Variants in PRKN observed in about 807,000 individuals in gnomAD.
PRKN encodes the protein E3 ubiquitin-protein ligase parkin.
A neutral mutation model predicts 59.5 loss-of-function variants in PRKN; 56 were observed. That is an observed-to-expected ratio of 0.94 (90% CI 0.76 to 1.18). The LOEUF (loss-of-function observed/expected upper bound fraction) is 1.18. PRKN is among the 50% of genes most tolerant of loss of function. The pLI, the probability that PRKN is intolerant of heterozygous loss-of-function variation, is 0.00. For synonymous variants in PRKN, 250 were observed against 222.1 expected, an observed-to-expected ratio of 1.13 and a Z score of -1.12; for missense variants, 657 against 596.4, an observed-to-expected ratio of 1.10 and a Z score of -1.06.
intron 5 of PRKN, among the ~76,000 whole-genome samples, chr6:162,017,900 G>C (rs1365944350): frequency 1.3e-5 from 1 of 76,306 alleles, no homozygotes; most frequent in Non-Finnish European, 2.6e-5. Flanking sequence ...AAGAAACCCC[G>C]AGAGAGCCTC....
At chr6:162,308,867 C>T (rs1300346716) in intron 2 of PRKN, among the ~76,000 whole-genome samples, 1 of 152,012 alleles carries the variant, frequency 6.6e-6, no homozygotes, top group Admixed American at 6.6e-5. Flanking sequence ...GGGTCCTAAT[C>T]AGTCATATGA....
At chr6:162,391,773 C>T (rs562025806) in intron 2 of PRKN, among the ~76,000 whole-genome samples, 1 of 152,308 alleles carries the variant, frequency 6.6e-6, no homozygotes, top group East Asian at 1.9e-4. Flanking sequence ...TCCTGGCATT[C>T]TGCCTGGAAA....
chr6:162,220,084 T>A (rs1190295931), intron 3 of PRKN, among the ~76,000 whole-genome samples: 1 of 152,058 alleles, frequency 6.6e-6, no homozygotes, highest in Non-Finnish European at 1.5e-5. Context: ...AGAATGAAAT[T>A]CAAGATGGAT....
chr6:162,430,567 A>C lies in PRKN; in HGVS notation c.171+12743T>G, dbSNP rs374314945. Among the ~76,000 whole-genome samples the C allele has an allele frequency of 1.8e-3, 265 of 148,918 alleles. 4 individuals carry two copies. The South Asian group carries it at 0.021, about 12-fold the overall frequency. On this transcript the variant is annotated intron_variant, in intron 2 of 11. Transcript: ENST00000366898. The stretch of plus-strand genomic sequence containing the variant: ...AAACAATCAGTTGTATAAATACAGA[A>C]TGGGGAAACTGGCTTACATATATAT...
chr6:162,475,647 A>G (rs186169942), intron 1 of PRKN, among the ~76,000 whole-genome samples: 2 of 152,362 alleles, frequency 1.3e-5, no homozygotes, highest in East Asian at 3.9e-4. Flanking sequence ...AGACACAAGC[A>G]CAGGGCTGCG....
At chr6:162,207,197 C>A (rs1036798511) in intron 3 of PRKN, among the ~76,000 whole-genome samples, 4 of 152,016 alleles carry the variant, frequency 2.6e-5, no homozygotes, top group African/African-American at 9.7e-5. Context: ...ACGATGAAAC[C>A]CCTTCTCTAT....
At position 161,402,658 on chromosome 6, in the gene PRKN, T is replaced by G. The variant is rs761459201; in HGVS notation, c.1084-15781A>C. Among the ~76,000 whole-genome samples, 9 of 151,892 alleles carry G rather than the reference T, an allele frequency of 5.9e-5. No individual in the cohort carries two copies. Among genetic ancestry groups the G allele is most frequent in the Admixed American group, 5.2e-4 (8 of 15,244 alleles). ...GTACACATGAGAGTCCCACAGAATA[T>G]GAGACTCCAAGAAGGGTTAGATCAT... On this transcript the variant is annotated intron_variant, in intron 9 of 11. Coordinates refer to ENST00000366898, the MANE Select transcript of PRKN (RefSeq NM_004562.3). This position sits in a 1 kb window ranked among gnomAD's most constrained non-coding sequence, Gnocchi z 4.5.
At chr6:162,097,282 T>A (rs1487753438) in intron 4 of PRKN, among the ~76,000 whole-genome samples, 9 of 152,180 alleles carry the variant, frequency 5.9e-5, no homozygotes, top group Non-Finnish European at 1.3e-4. Context: ...TTTAGATAAA[T>A]GCAATTTAAG....
chr6:162,277,435 A>G (rs1780682406), intron 2 of PRKN, among the ~76,000 whole-genome samples: 1 of 152,138 alleles, frequency 6.6e-6, no homozygotes. Context: ...TTACAATTCA[A>G]ATTTTTGAAG....
intron 7 of PRKN, among the ~76,000 whole-genome samples, chr6:161,760,067 T>A (rs1284657578): frequency 5.1e-5 from 3 of 58,964 alleles, no homozygotes; most frequent in Non-Finnish European, 1.2e-4. Flanking sequence ...ACCACACAGC[T>A]CGTTCTTAAA....
chr6:162,395,495 G>T (rs1044650245), intron 2 of PRKN, among the ~76,000 whole-genome samples: 1 of 152,148 alleles, frequency 6.6e-6, no homozygotes, highest in South Asian at 2.1e-4. Flanking sequence ...GATGAATGTA[G>T]CTCACTGACA....
At chr6:162,400,794 TC>T (rs1184149544) in intron 2 of PRKN, among the ~76,000 whole-genome samples, 5 of 152,182 alleles carry the variant, frequency 3.3e-5, no homozygotes, top group African/African-American at 9.7e-5. Flanking sequence ...AACAGTCATT[TC>T]CTTGAAGAGA....
chr6:161,350,191 A>G lies in PRKN; in HGVS notation c.1306T>C (p.Cys436Arg), dbSNP rs1784467995. The change falls in exon 12 of 12, where the codon TGT becomes CGT. Residue 436 changes from cysteine (C) to arginine (R), a missense_variant. Physicochemically the swap from Cys to Arg is radical, Grantham distance 180 (BLOSUM62 -3). Transcript: ENST00000366898. ...TCGAGCCTGCACTGGGGCTGCGGAC[A>G]CTTCATGTGCATGCAGCCTCCTGTT... ...EKNGGCMHMK[C>R]PQPQCRLEWC... is the part of the protein sequence containing the mutation. 1.2e-6 allele frequency: 2 copies of G among 1,613,374 alleles called. No individual in the cohort carries two copies. The highest frequency in any genetic ancestry group is 1.7e-6 in the Non-Finnish European group (2 of 1,179,754).
intron 4 of PRKN, among the ~76,000 whole-genome samples, chr6:162,101,816 A>G (rs1245744685): frequency 6.6e-6 from 1 of 152,204 alleles, no homozygotes; most frequent in African/African-American, 2.4e-5. Context: ...CTTTATTTAC[A>G]TAACTACTTT....
In PRKN at chr6:162,011,142, A is replaced by ATATAC. The variant is rs1782636894; in HGVS notation, c.619-37726_619-37725insGTATA. On this transcript the variant is annotated intron_variant, in intron 5 of 11. Coordinates refer to ENST00000366898, the MANE Select transcript of PRKN (RefSeq NM_004562.3). ...TATATTTATAATATATAATTATAAT[A>ATATAC]TATATTATAATATATACTATATTAT... is the stretch of plus-strand genomic sequence containing the variant. Among the ~76,000 whole-genome samples, 2 of 27,826 alleles carry ATATAC rather than the reference A, an allele frequency of 7.2e-5. 1 individual carries two copies. The highest frequency in any genetic ancestry group is 4.0e-4 in the African/African-American group (2 of 5,022). 18.3% of individuals were successfully genotyped at this position (27,826 alleles called of 152,430 possible). A position where few individuals can be genotyped will look rare whatever the true frequency, so the allele number is the denominator to read the frequency against.
intron 2 of PRKN, among the ~76,000 whole-genome samples, chr6:162,327,348 TTTTTTA>T (rs1783339135): frequency 6.6e-6 from 1 of 152,218 alleles, no homozygotes; most frequent in Non-Finnish European, 1.5e-5. Flanking sequence ...TTGTGTTTTA[TTTTTTA>T]TTTTTGTTTT....
intron 6 of PRKN, among the ~76,000 whole-genome samples, chr6:161,969,955 G>C (rs1242660671): frequency 6.6e-6 from 1 of 152,120 alleles, no homozygotes; most frequent in Non-Finnish European, 1.5e-5. Context: ...TAAGGAGAAA[G>C]TCCTACAACA....
Position 161,442,121 on chromosome 6 carries a change from C to T in PRKN, c.1084-55244G>A, listed in dbSNP as rs1789265234. On this transcript the variant is annotated intron_variant, in intron 9 of 11. Coordinates refer to ENST00000366898, the MANE Select transcript of PRKN (RefSeq NM_004562.3). The surrounding 1 kb of genome is among the most constrained non-coding windows in gnomAD (Gnocchi z 4.6). ...CCCTACTTTAATAAACATACATGTG[C>T]CAAGCTGGCTCTGAATTATTTAAAA... is the stretch of plus-strand genomic sequence containing the variant. 6.6e-6 allele frequency among the ~76,000 whole-genome samples: 1 copy of T among 152,174 alleles called. No homozygotes were observed. The highest frequency in any genetic ancestry group is 2.4e-5 in the African/African-American group (1 of 41,434).
At chr6:162,682,409 A>G (rs1779805325) in intron 1 of PRKN, among the ~76,000 whole-genome samples, 1 of 152,174 alleles carries the variant, frequency 6.6e-6, no homozygotes, top group African/African-American at 2.4e-5. Context: ...ATACTATGGA[A>G]TATTATGCAG....
Sources: gnomAD v4.1 joint callset for allele counts (sites outside exome capture counted in the v4.1 genomes callset) on GRCh38, gnomAD v4.1.1 for gene constraint, Gnocchi (gnomAD v3.1) non-coding constraint, MANE v1.5 for transcripts, NCBI Gene and HGNC (gene_info 2026-07-23, HGNC 2026-07-21) for gene names.